CLSTN1: variants seen among roughly 807,000 people sequenced by gnomAD.
The protein encoded by CLSTN1 is calsyntenin-1.
In CLSTN1, 28 loss-of-function variants were observed where a neutral mutation model predicts 108.3. That is an observed-to-expected ratio of 0.26 (90% confidence interval 0.19 to 0.35). CLSTN1 has a LOEUF of 0.35. CLSTN1 is among the 10% of genes least tolerant of loss of function. The probability of loss-of-function intolerance (pLI) is 1.00; values close to 1 mark genes in which losing one functional copy is unlikely to be tolerated. For missense variants in CLSTN1, 1,157 were observed against 1,302.6 expected, an observed-to-expected ratio of 0.89 and a Z score of 1.72; for synonymous variants, 524 against 534.9, an observed-to-expected ratio of 0.98 and a Z score of 0.28.
At chr1:9,809,217 G>T (rs184128108) in intron 1 of CLSTN1, among the ~76,000 whole-genome samples, 94 of 152,334 alleles carry the variant, frequency 6.2e-4, no homozygotes, top group Non-Finnish European at 4.0e-4. Context: ...GACACAGGAT[G>T]TGAGTGACAG....
chr1:9,731,361 C>T lies in CLSTN1; in HGVS notation c.2593G>A (p.Val865Met), dbSNP rs986446737. Residue 865 changes from valine (V) to methionine (M), a missense_variant, in exon 18 of 19, where the codon GTG becomes ATG. Coordinates refer to ENST00000377298, the MANE Select transcript of CLSTN1 (RefSeq NM_001009566.3). ...VVPSTATVVI[V>M]VCVSFLVFMI... Reference sequence around the variant, plus strand: ...AACACCAGGAAGCTGACGCACACCACGATCACAACTGTCGCAGTGCTGGGG... The same window carrying T: ...AACACCAGGAAGCTGACGCACACCATGATCACAACTGTCGCAGTGCTGGGG... The T allele has an allele frequency of 4.3e-6, 7 of 1,614,120 alleles. No individual in the cohort carries two copies. Among genetic ancestry groups the T allele is most frequent in the Middle Eastern group, 1.6e-4 (1 of 6,084 alleles).
intron 1 of CLSTN1, among the ~76,000 whole-genome samples, chr1:9,774,565 C>CA (rs556680637): frequency 0.047 from 6,534 of 138,972 alleles, 172 homozygotes; most frequent in Admixed American, 0.062. Flanking sequence ...GACTCCGCCT[C>CA]AAAAAAAAAA....
chr1:9,765,554 C>T (rs1295961679), intron 2 of CLSTN1, among the ~76,000 whole-genome samples: 6 of 150,978 alleles, frequency 4.0e-5, no homozygotes, highest in East Asian at 2.0e-4. Context: ...CACTTGAACC[C>T]GGGAAACGGA....
intron 1 of CLSTN1, among the ~76,000 whole-genome samples, chr1:9,820,915 G>A (rs1372201725): frequency 1.3e-5 from 2 of 152,098 alleles, no homozygotes; most frequent in African/African-American, 4.8e-5. Flanking sequence ...GGTGAGGGGA[G>A]GTCTCACTAA....
intron 11 of CLSTN1, among the ~76,000 whole-genome samples, chr1:9,736,884 C>A (rs544487846): frequency 5.3e-5 from 8 of 152,050 alleles, no homozygotes; most frequent in Non-Finnish European, 8.8e-5. Context: ...ACCAGCCTGG[C>A]GAACATGGCG....
intron 1 of CLSTN1, among the ~76,000 whole-genome samples, chr1:9,811,821 C>T (rs985918173): frequency 6.6e-6 from 1 of 151,248 alleles, no homozygotes; most frequent in Non-Finnish European, 1.5e-5. Flanking sequence ...AAGAAACTAG[C>T]ATCAATTAGT....
At chr1:9,794,005 T>C (rs1363854403) in intron 1 of CLSTN1, among the ~76,000 whole-genome samples, 1 of 151,464 alleles carries the variant, frequency 6.6e-6, no homozygotes, top group Non-Finnish European at 1.5e-5. Flanking sequence ...AACTTCCCGT[T>C]TCTTCACAGC....
rs776005250 is a variant in CLSTN1 at position 9,755,131 on chromosome 1, G to A, written c.423C>T (p.Asn141=). ...TTACTTACTTATGAGACTTTTTCAC[G>A]TTGGTGCCATCAGGTCCCTTCCCAC... The part of the protein sequence containing the change: ...YDCGKGPDGT[N]VKKSHKATVH... The change falls in exon 4 of 19, where the codon AAC becomes AAT. Residue 141 remains asparagine (N), a synonymous_variant. Coordinates refer to ENST00000377298, the MANE Select transcript of CLSTN1 (RefSeq NM_001009566.3). 34 of 1,610,180 alleles carry A rather than the reference G, an allele frequency of 2.1e-5. No homozygotes were observed. The highest frequency in any genetic ancestry group is 1.8e-4 in the Admixed American group (11 of 59,632).
At chr1:9,797,324 G>A (rs1654055806) in intron 1 of CLSTN1, among the ~76,000 whole-genome samples, 1 of 152,086 alleles carries the variant, frequency 6.6e-6, no homozygotes, top group African/African-American at 2.4e-5. Context: ...GGAAGTGGGG[G>A]AGGGAGAGGG....
At chr1:9,743,500 C>G (rs1025303187) in intron 9 of CLSTN1, among the ~76,000 whole-genome samples, 3 of 152,202 alleles carry the variant, frequency 2.0e-5, no homozygotes, top group Non-Finnish European at 4.4e-5. Flanking sequence ...CACAGCCATC[C>G]ATGTGCAAGG....
chr1:9,773,934 G>A (rs532871925), intron 1 of CLSTN1, among the ~76,000 whole-genome samples: 25 of 151,342 alleles, frequency 1.7e-4, no homozygotes, highest in African/African-American at 4.4e-4. Context: ...TACAGACAGG[G>A]TTTCACCATG....
chr1:9,788,301 T>TA (rs1169689586), intron 1 of CLSTN1, among the ~76,000 whole-genome samples: 2 of 151,384 alleles, frequency 1.3e-5, no homozygotes, highest in East Asian at 4.0e-4. Context: ...CCAGATGCGG[T>TA]AGCTCATGCC....
At chr1:9,767,600 C>T (rs1367648300) in intron 2 of CLSTN1, among the ~76,000 whole-genome samples, 1 of 151,850 alleles carries the variant, frequency 6.6e-6, no homozygotes, top group African/African-American at 2.4e-5. Context: ...CACACCGGGC[C>T]CTCAGAGCAA....
chr1:9,780,133 G>A (rs778018447), intron 1 of CLSTN1, among the ~76,000 whole-genome samples: 42 of 152,154 alleles, frequency 2.8e-4, no homozygotes, highest in Non-Finnish European at 3.1e-4. Flanking sequence ...AGGATTACAG[G>A]CATGAGCCAC....
chr1:9,731,418 G>T, intron 17 of CLSTN1, 28 bp from the exon 18 acceptor site: 3 of 1,609,040 alleles, frequency 1.9e-6, no homozygotes, highest in Non-Finnish European at 2.6e-6. Flanking sequence ...GGCGGGATGC[G>T]AGGTCACTCG....
intron 1 of CLSTN1, among the ~76,000 whole-genome samples, chr1:9,815,073 C>T (rs1443993557): frequency 1.3e-5 from 2 of 152,186 alleles, no homozygotes; most frequent in East Asian, 3.8e-4. Context: ...CTGTGCTAGG[C>T]TCAGATTTCC....
chr1:9,747,882 A>C (rs1471256002), intron 7 of CLSTN1, among the ~76,000 whole-genome samples: 1 of 152,008 alleles, frequency 6.6e-6, no homozygotes, highest in East Asian at 1.9e-4. Context: ...TTTCTACTAA[A>C]AATACAAAAA....
intron 1 of CLSTN1, among the ~76,000 whole-genome samples, chr1:9,813,596 G>A (rs1363203122): frequency 6.6e-6 from 1 of 152,156 alleles, no homozygotes; most frequent in African/African-American, 2.4e-5. Flanking sequence ...CTTGGATTAT[G>A]TAGCTAGTCC....
rs1234442614 is a variant in CLSTN1, at chr1:9,749,564, C to T, written c.882G>A (p.Glu294=). 8 of 1,614,214 alleles carry T rather than the reference C, an allele frequency of 5.0e-6. No individual in the cohort carries two copies. In the East Asian group the frequency reaches 1.8e-4, roughly 36 times the overall value. Residue 294 remains glutamate, a synonymous_variant, in exon 7 of 19, where the codon GAG becomes GAA. Transcript: ENST00000377298. ...CTGTGGCCTGTACTGAGGCGACTGG[C>T]TCGTCACATGTCTCCAGGTGGATAT... The part of the protein sequence containing the change: ...FPNIHLETCD[E]PVASVQATVE...
Sources: allele counts gnomAD v4.1 joint callset (sites outside exome capture counted in the v4.1 genomes callset), GRCh38; gene constraint gnomAD v4.1.1; transcripts MANE v1.5; gene names NCBI Gene and HGNC (gene_info 2026-07-23, HGNC 2026-07-21).